Variants in MYO5C observed in about 807,000 individuals in gnomAD.
MYO5C encodes myosin VC.
A neutral mutation model predicts 235.7 loss-of-function variants in MYO5C; 194 were observed. That is an observed-to-expected ratio of 0.82 (90% confidence interval 0.73 to 0.93). The LOEUF (loss-of-function observed/expected upper bound fraction) is 0.93. Ranked by LOEUF, MYO5C falls within the 40% of genes least tolerant of loss-of-function variation. The pLI, the probability that MYO5C is intolerant of heterozygous loss-of-function variation, is 0.00. For missense variants in MYO5C, 2,038 were observed against 2,127.2 expected (o/e 0.96, Z 0.82); for synonymous variants, 707 against 754.8 (o/e 0.94, Z 1.04).
At chr15:52,204,437 T>G (rs2035255537) in intron 38 of MYO5C, among the ~76,000 whole-genome samples, 1 of 152,014 alleles carries the variant, frequency 6.6e-6, no homozygotes, top group African/African-American at 2.4e-5. Flanking sequence ...CTGCACCACT[T>G]GTTTGTGATT....
At chr15:52,266,409 G>A (rs1184308275) in intron 8 of MYO5C, among the ~76,000 whole-genome samples, 1 of 152,206 alleles carries the variant, frequency 6.6e-6, no homozygotes. Flanking sequence ...AGACACAGCA[G>A]AAGAGCAGAA....
chr15:52,217,286 G>A (rs1362192684), intron 32 of MYO5C, among the ~76,000 whole-genome samples: 11 of 152,230 alleles, frequency 7.2e-5, no homozygotes, highest in Admixed American at 2.0e-4. Context: ...CACCTGTGGG[G>A]AGCAGAGCCA....
rs776779882 is a variant in MYO5C, at chr15:52,211,866, A to G, written c.4160T>C (p.Val1387Ala). 3.2e-5 allele frequency: 51 copies of G among 1,613,864 alleles called. 1 individual carries two copies. In the South Asian group the frequency reaches 5.1e-4, roughly 16 times the overall value. ...CAGCCCGGGGATCATGTTCACCACC[A>G]CGCCACGGGGCTTCAAGTCTGAAGC... ...NLILDLKPRG[V>A]VVNMIPGLPA... is the part of the protein sequence containing the mutation. The change falls in exon 35 of 41, where the codon GTG (valine) becomes GCG (alanine). Residue 1387 changes from valine (V) to alanine (A), a missense_variant. Transcript: ENST00000261839.
In MYO5C at chr15:52,275,658, C is replaced by A; in HGVS notation, c.510G>T (p.Ser170=). The A allele has an allele frequency of 6.2e-7, 1 of 1,614,160 alleles. No homozygotes were observed. Among genetic ancestry groups the A allele is most frequent in the South Asian group, 1.1e-5 (1 of 91,072 alleles). Residue 170 remains serine (S), a synonymous_variant, in exon 5 of 41, where the codon TCG becomes TCT. Coordinates refer to ENST00000261839, the MANE Select transcript of MYO5C (RefSeq NM_018728.4). ...SGESGAGKTV[S]ARYAMRYFAT... The stretch of plus-strand genomic sequence containing the variant: ...CAAAGTACCTCATGGCATAGCGAGC[C>A]GACACTGTCTTTCCAGCACCTGACT...
intron 25 of MYO5C, 93 bp from the exon 26 acceptor site, chr15:52,225,625 T>A: frequency 1.2e-6 from 1 of 844,326 alleles, no homozygotes; most frequent in Non-Finnish European, 2.0e-6. Flanking sequence ...GTTGCGTGTC[T>A]ATGCAAGACA....
At chr15:52,245,290 C>T in intron 18 of MYO5C, 64 bp downstream of exon 18, 1 of 1,073,964 alleles carries the variant, frequency 9.3e-7, no homozygotes, top group South Asian at 1.3e-5. Context: ...AAAGATGAAA[C>T]AGCATGTTTG....
intron 22 of MYO5C, 41 bp downstream of exon 22, chr15:52,237,441 G>C (rs1244159750): frequency 7.5e-6 from 12 of 1,592,942 alleles, no homozygotes; most frequent in Non-Finnish European, 9.4e-6. Context: ...TTCACAGAGA[G>C]TCCGCATATT....
intron 8 of MYO5C, among the ~76,000 whole-genome samples, chr15:52,267,107 C>A (rs1440989993): frequency 6.6e-6 from 1 of 152,164 alleles, no homozygotes; most frequent in Non-Finnish European, 1.5e-5. Flanking sequence ...GACTGAGGAA[C>A]GTGATGTGGA....
intron 5 of MYO5C, 148 bp from the exon 6 acceptor site, chr15:52,272,871 C>T (rs539619750): frequency 1.4e-4 from 98 of 703,694 alleles, no homozygotes; most frequent in African/African-American, 1.2e-3. Flanking sequence ...AGCAACCCCA[C>T]GCTGGCAGGG....
At chr15:52,204,213 A>C (rs1208946917) in intron 38 of MYO5C, among the ~76,000 whole-genome samples, 1 of 151,648 alleles carries the variant, frequency 6.6e-6, no homozygotes, top group African/African-American at 2.4e-5. Context: ...TGTGGATCCA[A>C]CCTAGCTCTT....
At chr15:52,237,403 A>G (rs1217437965) in intron 22 of MYO5C, 79 bp downstream of exon 22, 3 of 1,512,186 alleles carry the variant, frequency 2.0e-6, no homozygotes, top group African/African-American at 1.4e-5. Context: ...AATCCACTTC[A>G]TAGGAAAAGC....
intron 21 of MYO5C, among the ~76,000 whole-genome samples, chr15:52,238,460 T>A (rs1039201993): frequency 3.3e-4 from 51 of 152,240 alleles, no homozygotes; most frequent in Admixed American, 2.6e-4. Context: ...CTTCACCCAC[T>A]CACCCTTTCA....
rs191630924 is a variant in MYO5C, at chr15:52,194,080, G to A, written c.5077-26C>T. On this transcript the variant is annotated intron_variant, in intron 40 of 40. Coordinates refer to ENST00000261839, the MANE Select transcript of MYO5C (RefSeq NM_018728.4). Reference sequence around the variant, plus strand: ...CTGAAATTAGAATCAGAGGAAAAATGAGTAAGGAAACTAACATGTTCTGCT... The same window carrying A: ...CTGAAATTAGAATCAGAGGAAAAATAAGTAAGGAAACTAACATGTTCTGCT... The A allele has an allele frequency of 1.5e-4, 246 of 1,604,426 alleles. No homozygotes were observed. In the African/African-American group the frequency reaches 3.0e-3, roughly 19 times the overall value.
intron 29 of MYO5C, 35 bp downstream of exon 29, chr15:52,223,509 A>G: frequency 1.3e-6 from 2 of 1,591,322 alleles, no homozygotes; most frequent in Non-Finnish European, 1.7e-6. Flanking sequence ...CTCTAGTATG[A>G]TGGCCACGAC....
intron 36 of MYO5C, among the ~76,000 whole-genome samples, chr15:52,208,231 G>A (rs773002796): frequency 2.6e-5 from 4 of 152,236 alleles, no homozygotes; most frequent in African/African-American, 2.4e-5. Context: ...AGAGAGAACA[G>A]CTGTGAAGAA....
chr15:52,286,151 G>T (rs946749833), intron 1 of MYO5C, among the ~76,000 whole-genome samples: 2 of 151,616 alleles, frequency 1.3e-5, no homozygotes, highest in East Asian at 3.9e-4. Context: ...GAGTCCCTCC[G>T]CCCGGCAGCC....
rs117698786 is a variant in MYO5C, at chr15:52,264,370, T to C, written c.941-74A>G. On this transcript the variant is annotated intron_variant, in intron 8 of 40. Coordinates refer to ENST00000261839, the MANE Select transcript of MYO5C (RefSeq NM_018728.4). ...CTAGTAAGATGGGCACCTGGATTCA[T>C]TCAAGATATGCAGGTAGCATCAGTG... 2,687 of 1,178,048 alleles carry C rather than the reference T, an allele frequency of 2.3e-3. 47 individuals carry two copies. The highest frequency in any genetic ancestry group is 0.018 in the East Asian group (759 of 41,056). 73.0% of individuals were successfully genotyped at this position (1,178,048 alleles called of 1,614,324 possible).
intron 9 of MYO5C, 59 bp downstream of exon 9, chr15:52,264,131 C>G: frequency 3.8e-6 from 5 of 1,330,630 alleles, no homozygotes; most frequent in Non-Finnish European, 5.3e-6. Flanking sequence ...AGGTCAGCTG[C>G]GAGCCAGTTC....
intron 8 of MYO5C, 126 bp downstream of exon 8, chr15:52,269,627 G>C: frequency 1.6e-6 from 1 of 635,722 alleles, no homozygotes; most frequent in East Asian, 2.7e-5. Flanking sequence ...TCCTGACCTT[G>C]TGATCCGCCC....
Sources: gnomAD v4.1 joint callset for allele counts (sites outside exome capture counted in the v4.1 genomes callset) on GRCh38, gnomAD v4.1.1 for gene constraint, MANE v1.5 for transcripts, NCBI Gene and HGNC (gene_info 2026-07-23, HGNC 2026-07-21) for gene names.